The following SRGAP3 variants were observed in gnomAD, a reference collection of about 807,000 sequenced individuals.
The protein encoded by SRGAP3 is SLIT-ROBO Rho GTPase activating protein 3, also known as SLIT-ROBO Rho GTPase-activating protein 3.
Under a neutral mutation model 121.1 loss-of-function variants are expected in SRGAP3, and 39 were observed. The observed-to-expected ratio is 0.32, with a 90% CI of 0.25 to 0.42. The LOEUF (loss-of-function observed/expected upper bound fraction) is 0.42, where lower values mean the gene tolerates loss of function less well. Ranked by LOEUF, SRGAP3 falls within the 10% of genes least tolerant of loss-of-function variation. The pLI is 1.00. For synonymous variants in SRGAP3, 601 were observed against 570.0 expected (o/e 1.05, Z -0.77); for missense variants, 1,213 against 1,470.6 (o/e 0.82, Z 2.86).
intron 3 of SRGAP3, among the ~76,000 whole-genome samples, chr3:9,325,145 G>C (rs911323684): frequency 2.6e-5 from 4 of 151,768 alleles, no homozygotes; most frequent in African/African-American, 9.7e-5. Flanking sequence ...CTTGAAGAGA[G>C]ACTACTTGAC....
chr3:9,010,934 A>G (rs1282352137), intron 17 of SRGAP3, among the ~76,000 whole-genome samples: 1 of 152,226 alleles, frequency 6.6e-6, no homozygotes, highest in East Asian at 1.9e-4. Context: ...TGAGTAATCC[A>G]GTCCATCAGA....
intron 17 of SRGAP3, 38 bp downstream of exon 17, chr3:9,013,270 T>C (rs1298986494): frequency 6.3e-7 from 1 of 1,590,336 alleles, no homozygotes; most frequent in Non-Finnish European, 8.6e-7. Flanking sequence ...GCAATAACAA[T>C]GACGATGATA....
chr3:9,144,089 C>T (rs1314019136), intron 1 of SRGAP3, among the ~76,000 whole-genome samples: 2 of 152,000 alleles, frequency 1.3e-5, no homozygotes, highest in African/African-American at 2.4e-5. Flanking sequence ...TTCTTTAGAA[C>T]GCAAAAATCA....
chr3:9,241,390 T>C (rs1378774843), intron 1 of SRGAP3, among the ~76,000 whole-genome samples: 2 of 152,136 alleles, frequency 1.3e-5, no homozygotes, highest in Non-Finnish European at 2.9e-5. Flanking sequence ...ACTCCAGAAA[T>C]GGCTAATATG....
intron 1 of SRGAP3, among the ~76,000 whole-genome samples, chr3:9,340,149 C>T (rs1955759765): frequency 1.3e-5 from 2 of 152,176 alleles, no homozygotes; most frequent in South Asian, 4.1e-4. Flanking sequence ...AAAGATTCTG[C>T]CAGCACTTTC....
intron 1 of SRGAP3, among the ~76,000 whole-genome samples, chr3:9,247,732 T>C (rs1356258782): frequency 1.3e-5 from 2 of 152,198 alleles, no homozygotes; most frequent in African/African-American, 4.8e-5. Flanking sequence ...CCGCTGAAGA[T>C]GCATTTTGTC....
At chr3:9,255,651 G>C (rs1954116230) in intron 3 of SRGAP3, among the ~76,000 whole-genome samples, 1 of 152,150 alleles carries the variant, frequency 6.6e-6, no homozygotes, top group African/African-American at 2.4e-5. Context: ...GATGGAGTCA[G>C]TCCCGAACAA....
chr3:9,114,300 C>T (rs898940107), intron 2 of SRGAP3, among the ~76,000 whole-genome samples: 4 of 152,164 alleles, frequency 2.6e-5, no homozygotes, highest in Non-Finnish European at 4.4e-5. Context: ...AAACCCTGCA[C>T]ATAATAGTAC....
intron 1 of SRGAP3, 44 bp from the exon 2 acceptor site, chr3:9,124,961 C>T (rs530536608): frequency 3.3e-5 from 53 of 1,611,004 alleles, no homozygotes; most frequent in African/African-American, 1.5e-4. Flanking sequence ...GTGGTGGGGA[C>T]GGGGGCACTG....
At chr3:9,271,132 A>C (rs1174648893) in intron 3 of SRGAP3, among the ~76,000 whole-genome samples, 4 of 152,166 alleles carry the variant, frequency 2.6e-5, no homozygotes, top group Non-Finnish European at 5.9e-5. Context: ...CCAGGAGTTC[A>C]AGACAGCCTG....
chr3:9,255,877 T>C (rs569793485), intron 3 of SRGAP3, among the ~76,000 whole-genome samples: 5 of 152,216 alleles, frequency 3.3e-5, no homozygotes, highest in African/African-American at 4.8e-5. Context: ...TCCTTTGAGA[T>C]AGGTTATATT....
intron 2 of SRGAP3, among the ~76,000 whole-genome samples, chr3:9,108,593 G>C (rs1208802806): frequency 6.6e-6 from 1 of 152,214 alleles, no homozygotes; most frequent in African/African-American, 2.4e-5. Flanking sequence ...ACTCCAGCCT[G>C]AGTAATAGGC....
intron 10 of SRGAP3, among the ~76,000 whole-genome samples, chr3:9,041,969 C>T (rs768433772): frequency 2.6e-5 from 4 of 151,844 alleles, no homozygotes; most frequent in Admixed American, 1.3e-4. Context: ...GGCGTGGTGG[C>T]GGACACCTGT....
chr3:9,361,620 G>A (rs1575037961), intron 1 of SRGAP3, among the ~76,000 whole-genome samples: 1 of 152,126 alleles, frequency 6.6e-6, no homozygotes, highest in Admixed American at 6.5e-5. Flanking sequence ...ATGACAGGAT[G>A]GGAAGTCGGA....
chr3:9,327,641 C>CTT (rs1335972669), intron 2 of SRGAP3, among the ~76,000 whole-genome samples: 1 of 152,232 alleles, frequency 6.6e-6, no homozygotes, highest in Non-Finnish European at 1.5e-5. Flanking sequence ...AGGTCTGACT[C>CTT]TTTCCAGCAT....
chr3:9,139,333 T>G (rs1301008559), intron 1 of SRGAP3, among the ~76,000 whole-genome samples: 1 of 152,176 alleles, frequency 6.6e-6, no homozygotes, highest in African/African-American at 2.4e-5. Context: ...TGATTAAAAT[T>G]AAGGATCTTG....
At chr3:9,166,256 T>C (rs1269750617) in intron 1 of SRGAP3, among the ~76,000 whole-genome samples, 2 of 152,212 alleles carry the variant, frequency 1.3e-5, no homozygotes, top group Admixed American at 1.3e-4. Context: ...ATCATGCCCA[T>C]TTCCTTCACC....
intron 3 of SRGAP3, among the ~76,000 whole-genome samples, chr3:9,083,154 T>C (rs1376907485): frequency 6.6e-6 from 1 of 152,216 alleles, no homozygotes; most frequent in Non-Finnish European, 1.5e-5. Context: ...CTCCCCCTGA[T>C]GTTTCCCCAT....
intron 1 of SRGAP3, among the ~76,000 whole-genome samples, chr3:9,163,265 G>T (rs1950660439): frequency 2.0e-5 from 3 of 152,328 alleles, no homozygotes; most frequent in Admixed American, 2.0e-4. Flanking sequence ...CACTCTCGTG[G>T]GAGAGATCAC....
Sources: gnomAD v4.1 joint callset for allele counts (sites outside exome capture counted in the v4.1 genomes callset) on GRCh38, gnomAD v4.1.1 for gene constraint, MANE v1.5 for transcripts, NCBI Gene and HGNC (gene_info 2026-07-23, HGNC 2026-07-21) for gene names.